NAF1: variants seen among roughly 807,000 people sequenced by gnomAD.
NAF1 encodes H/ACA ribonucleoprotein complex non-core subunit NAF1.
NAF1 carries 11 observed loss-of-function variants against 40.6 expected under a neutral mutation model. The observed-to-expected ratio is 0.27, with a 90% confidence interval of 0.17 to 0.45. The LOEUF (loss-of-function observed/expected upper bound fraction) is 0.45. Among genes scored for constraint, NAF1 ranks in the 20% least tolerant of loss-of-function variants. The pLI is 1.00. For synonymous variants in NAF1, 260 were observed against 228.5 expected (o/e 1.14, Z -1.24); for missense variants, 607 against 611.1 (o/e 0.99, Z 0.07).
At chr4:163,165,920 AAAT>A (rs1732439080) in intron 1 of NAF1, among the ~76,000 whole-genome samples, 6 of 152,204 alleles carry the variant, frequency 3.9e-5, no homozygotes, top group African/African-American at 1.4e-4. Context: ...GAAACACAAA[AAAT>A]AATACTTTTC....
At chr4:163,142,193 A>C (rs1184156879) in intron 4 of NAF1, among the ~76,000 whole-genome samples, 3 of 152,264 alleles carry the variant, frequency 2.0e-5, no homozygotes, top group African/African-American at 7.2e-5. Flanking sequence ...ACTGGCCTAC[A>C]TGACATATAT....
In NAF1 at chr4:163,140,458, A is replaced by C. The variant is rs540193858; in HGVS notation, c.718-75T>G. On this transcript the variant is annotated intron_variant, in intron 4 of 7. Transcript: ENST00000274054. ...AAAAGTCAGCAGTGTTTTCTTTTAA[A>C]AATCCCACTGATAATTGCCAGAACA... 9.1e-5 allele frequency: 117 copies of C among 1,292,092 alleles called. No homozygotes were observed. In the African/African-American group the frequency reaches 1.6e-3, roughly 18 times the overall value. 80.0% of individuals were successfully genotyped at this position (1,292,092 alleles called of 1,614,324 possible).
intron 1 of NAF1, 143 bp downstream of exon 1, chr4:163,166,220 C>G (rs1216621880): frequency 9.3e-7 from 1 of 1,072,914 alleles, no homozygotes; most frequent in Non-Finnish European, 1.3e-6. Context: ...GGAGCCAATA[C>G]TTCAACACGT....
At chr4:163,108,408 C>T (rs1212620647), downstream of NAF1, among the ~76,000 whole-genome samples, 1 of 152,134 alleles carries the variant, frequency 6.6e-6, no homozygotes, top group Non-Finnish European at 1.5e-5. Flanking sequence ...TTTGAAGCCT[C>T]CTAAAACAAT....
At chr4:163,152,750 T>G (rs1306554168) in intron 2 of NAF1, among the ~76,000 whole-genome samples, 4 of 152,196 alleles carry the variant, frequency 2.6e-5, no homozygotes, top group Non-Finnish European at 5.9e-5. Context: ...TGGCGGCACT[T>G]GAGGAGCCCT....
chr4:163,149,770 A>G (rs532147381), intron 2 of NAF1, among the ~76,000 whole-genome samples: 3 of 152,178 alleles, frequency 2.0e-5, no homozygotes, highest in Non-Finnish European at 4.4e-5. Context: ...AAGGGAGTTT[A>G]GTTGTTAGAA....
downstream of NAF1, among the ~76,000 whole-genome samples, chr4:163,122,691 G>A (rs1579128489): frequency 1.3e-5 from 2 of 152,164 alleles, no homozygotes; most frequent in East Asian, 3.9e-4. Flanking sequence ...CCTTTAACAG[G>A]TGAGTAGACC....
rs1373928955 is a variant in NAF1, at chr4:163,129,076, G to C, written c.1306C>G (p.Leu436Val). 6.4e-7 allele frequency: 1 copy of C among 1,572,000 alleles called. No homozygotes were observed. The highest frequency in any genetic ancestry group is 8.7e-7 in the Non-Finnish European group (1 of 1,154,844). The change falls in exon 8 of 8, where the codon CTC (leucine) becomes GTC (valine). Residue 436 changes from leucine (L) to valine (V), a missense_variant. Coordinates refer to ENST00000274054, the MANE Select transcript of NAF1 (RefSeq NM_138386.3). ...GGTGGTGGTGGGGGTGGAGGGCGGAGGGGAAAATTATGCATGTCAAACACT... is the reference window on the plus strand; with the variant it reads ...GGTGGTGGTGGGGGTGGAGGGCGGACGGGAAAATTATGCATGTCAAACACT... ...LPVFDMHNFP[L>V]RPPPPPPPPP... is the part of the protein sequence containing the mutation.
rs753145749 is a variant in NAF1 at position 163,163,280 on chromosome 4, C to T, written c.540+937G>A. Among the ~76,000 whole-genome samples the T allele has an allele frequency of 1.8e-4, 27 of 152,124 alleles. 1 individual carries two copies. Among genetic ancestry groups the T allele is most frequent in the South Asian group, 1.0e-3 (5 of 4,810 alleles). On this transcript the variant is annotated intron_variant, in intron 2 of 7. Transcript: ENST00000274054. ...TTCAAGTTATAAAGCATAAGCGAGA[C>T]GAGAATTTCTTGTTATGAGTAGAGA...
rs149469700 is a variant in NAF1, at chr4:163,159,815, C to T, written c.540+4402G>A. Among the ~76,000 whole-genome samples the T allele has an allele frequency of 6.3e-3, 965 of 152,200 alleles. 13 individuals are homozygous for T. Among genetic ancestry groups the T allele is most frequent in the African/African-American group, 0.021 (891 of 41,530 alleles). ...TCATGCTACATTATATGCCTAAAGACACATTATTATCCCTACTGAAGTATT... is the reference window on the plus strand; with the variant it reads ...TCATGCTACATTATATGCCTAAAGATACATTATTATCCCTACTGAAGTATT... On this transcript the variant is annotated intron_variant, in intron 2 of 7. Transcript: ENST00000274054.
At chr4:163,112,194 A>G (rs1268484936) in intron 2 of NAF1, among the ~76,000 whole-genome samples, 1 of 151,896 alleles carries the variant, frequency 6.6e-6, no homozygotes, top group African/African-American at 2.4e-5. Context: ...TTGGGGGGGG[A>G]GAAAAATTGC....
rs73864533 is a variant in NAF1, at chr4:163,111,548, C to T, written c.115-1258G>A. 6.2e-3 allele frequency among the ~76,000 whole-genome samples: 950 copies of T among 152,190 alleles called. 3 individuals are homozygous for T. The highest frequency in any genetic ancestry group is 0.022 in the African/African-American group (912 of 41,532). ...GGGTGAATTTAGAATTCATTTTGGA[C>T]GTTAACATACCTATTAGTCATTTAA... is the stretch of plus-strand genomic sequence containing the variant. On this transcript the variant is annotated intron_variant, in intron 2 of 2. Coordinates refer to the NAF1 transcript ENST00000509434.
intron 2 of NAF1, among the ~76,000 whole-genome samples, chr4:163,112,103 A>T (rs574633538): frequency 6.6e-6 from 1 of 152,260 alleles, no homozygotes; most frequent in South Asian, 2.1e-4. Flanking sequence ...ACAGCTCAGT[A>T]GCTGGTGAAA....
chr4:163,128,651 G>A (rs1053742145), downstream of NAF1: 2 of 931,202 alleles, frequency 2.1e-6, no homozygotes, highest in Middle Eastern at 4.8e-4. Flanking sequence ...TTGGGAGGGA[G>A]AAGGCATGAA....
downstream of NAF1, among the ~76,000 whole-genome samples, chr4:163,128,305 A>G (rs1185579897): frequency 6.6e-6 from 1 of 152,164 alleles, no homozygotes; most frequent in Non-Finnish European, 1.5e-5. Flanking sequence ...ATTATTTTGC[A>G]CAGATAATGG....
chr4:163,166,319 T>C (rs377390244), intron 1 of NAF1, 44 bp downstream of exon 1: 5 of 1,529,660 alleles, frequency 3.3e-6, no homozygotes, highest in African/African-American at 2.8e-5. Context: ...CCGCCCGTCA[T>C]ACAAGACCTC....
intron 4 of NAF1, chr4:163,144,121 GAT>G: frequency 1.8e-6 from 1 of 550,726 alleles, no homozygotes; most frequent in South Asian, 8.0e-5. Context: ...CCTACCCACT[GAT>G]ATATGAGAAG....
intron 2 of NAF1, among the ~76,000 whole-genome samples, chr4:163,153,238 G>A (rs1440461129): frequency 6.6e-6 from 1 of 152,210 alleles, no homozygotes; most frequent in Non-Finnish European, 1.5e-5. Flanking sequence ...ACGAGCGCAT[G>A]GCGTGGGACT....
At chr4:163,148,523 C>G (rs1042757044) in intron 2 of NAF1, 89 bp from the exon 3 acceptor site, 17 of 866,448 alleles carry the variant, frequency 2.0e-5, no homozygotes, top group Non-Finnish European at 3.1e-5. Flanking sequence ...TGCTACACAT[C>G]TCTGAAAATG....
Sources: gnomAD v4.1 joint callset for allele counts (sites outside exome capture counted in the v4.1 genomes callset) on GRCh38, gnomAD v4.1.1 for gene constraint, MANE v1.5 for transcripts, NCBI Gene and HGNC (gene_info 2026-07-23, HGNC 2026-07-21) for gene names.